The following LDB2 variants were observed in gnomAD, a reference collection of about 807,000 sequenced individuals.
LDB2 encodes the protein LIM domain-binding protein 2.
In LDB2, 12 loss-of-function variants were observed where a neutral mutation model predicts 44.3. That is an observed-to-expected ratio of 0.27 (90% CI 0.17 to 0.44). The LOEUF (loss-of-function observed/expected upper bound fraction) is 0.44, where lower values mean the gene tolerates loss of function less well. Ranked by LOEUF, LDB2 falls within the 20% of genes least tolerant of loss-of-function variation. LDB2 has a pLI of 1.00. For missense variants in LDB2, 344 were observed against 473.5 expected (o/e 0.73, Z 2.54); for synonymous variants, 164 against 174.8 (o/e 0.94, Z 0.49).
chr4:16,744,322 A>G (rs552362911), intron 2 of LDB2, among the ~76,000 whole-genome samples: 114 of 150,678 alleles, frequency 7.6e-4, no homozygotes, highest in Non-Finnish European at 1.1e-3. Context: ...ATGCCCAGCT[A>G]ATTTTTGTAT....
chr4:16,656,847 A>C (rs1740009227), intron 2 of LDB2, among the ~76,000 whole-genome samples: 1 of 152,252 alleles, frequency 6.6e-6, no homozygotes, highest in Admixed American at 6.5e-5. Flanking sequence ...TATGTAAATC[A>C]TAATTGATAA....
intron 2 of LDB2, among the ~76,000 whole-genome samples, chr4:16,742,196 C>G (rs374238474): frequency 1.5e-3 from 223 of 151,832 alleles, no homozygotes; most frequent in African/African-American, 5.2e-3. Context: ...CTCAGTCTCC[C>G]AAGTAGCTGG....
intron 1 of LDB2, among the ~76,000 whole-genome samples, chr4:16,830,308 G>A (rs570504698): frequency 4.6e-5 from 7 of 152,144 alleles, no homozygotes; most frequent in African/African-American, 7.2e-5. Flanking sequence ...TCAGGAAATC[G>A]GATGGTTTTT....
intron 2 of LDB2, among the ~76,000 whole-genome samples, chr4:16,732,675 A>C (rs1283986666): frequency 1.3e-5 from 2 of 152,192 alleles, no homozygotes; most frequent in African/African-American, 4.8e-5. Flanking sequence ...TAATACAGAA[A>C]GTTTTATTTT....
At chr4:16,507,646 C>G (rs1720052632) in intron 7 of LDB2, among the ~76,000 whole-genome samples, 1 of 152,042 alleles carries the variant, frequency 6.6e-6, no homozygotes, top group South Asian at 2.1e-4. Context: ...CCATGAAGCA[C>G]TAAGAAAATC....
At chr4:16,656,233 C>A (rs971769410) in intron 2 of LDB2, among the ~76,000 whole-genome samples, 12 of 152,104 alleles carry the variant, frequency 7.9e-5, no homozygotes, top group Non-Finnish European at 1.6e-4. Flanking sequence ...TAATCTTGTT[C>A]CTAAAGGTTG....
intron 2 of LDB2, among the ~76,000 whole-genome samples, chr4:16,756,674 T>C (rs758914924): frequency 3.4e-4 from 51 of 152,182 alleles, no homozygotes; most frequent in Non-Finnish European, 5.9e-4. Flanking sequence ...CTACCTATTA[T>C]GTATGAGTTC....
Position 16,627,372 on chromosome 4 carries a change from C to T in LDB2, c.236-31497G>A, listed in dbSNP as rs961205955. Among the ~76,000 whole-genome samples, 7 of 152,270 alleles carry T rather than the reference C, an allele frequency of 4.6e-5. No individual in the cohort carries two copies. In the East Asian group the frequency reaches 5.8e-4, roughly 13 times the overall value. ...AAAAAGGGGTTATAAATGTTAAAAA[C>T]ATTAGACTCCCCCAGTCCACTCTTC... On this transcript the variant is annotated intron_variant, in intron 2 of 7. Coordinates refer to ENST00000304523, the MANE Select transcript of LDB2 (RefSeq NM_001290.5).
At chr4:16,891,873 G>A (rs925523813) in intron 1 of LDB2, among the ~76,000 whole-genome samples, 1 of 152,146 alleles carries the variant, frequency 6.6e-6, no homozygotes, top group Non-Finnish European at 1.5e-5. Context: ...CCTAGCTCAT[G>A]TTTCCTATTT....
intron 2 of LDB2, among the ~76,000 whole-genome samples, chr4:16,755,528 T>TGA (rs112037999): frequency 7.4e-6 from 1 of 134,970 alleles, no homozygotes; most frequent in Non-Finnish European, 1.7e-5. Flanking sequence ...TGTGTGTATG[T>TGA]GAGAGAGAGA....
intron 5 of LDB2, among the ~76,000 whole-genome samples, chr4:16,562,983 G>T (rs941567283): frequency 1.3e-5 from 2 of 151,654 alleles, no homozygotes; most frequent in Admixed American, 6.6e-5. Context: ...ACCAAACACC[G>T]CATGTTCTCA....
intron 5 of LDB2, among the ~76,000 whole-genome samples, chr4:16,578,025 A>G (rs1464500320): frequency 6.6e-6 from 1 of 152,194 alleles, no homozygotes; most frequent in Admixed American, 6.5e-5. Flanking sequence ...AGAAGAATGA[A>G]ATTAGACCCC....
chr4:16,812,358 TG>T (rs1421330663), intron 1 of LDB2, among the ~76,000 whole-genome samples: 1 of 152,180 alleles, frequency 6.6e-6, no homozygotes, highest in Non-Finnish European at 1.5e-5. Flanking sequence ...GGGCTCATTA[TG>T]ATCTAAGAGG....
At chr4:16,522,296 G>GTGTGTGTGTGTGTGTA (rs1726510993) in intron 5 of LDB2, among the ~76,000 whole-genome samples, 1 of 151,530 alleles carries the variant, frequency 6.6e-6, no homozygotes, top group East Asian at 1.9e-4. Context: ...GTGTGTGTGT[G>GTGTGTGTGTGTGTGTA]TATGTATGTA....
At chr4:16,558,999 C>G (rs1407107739) in intron 5 of LDB2, among the ~76,000 whole-genome samples, 1 of 152,200 alleles carries the variant, frequency 6.6e-6, no homozygotes, top group Non-Finnish European at 1.5e-5. Flanking sequence ...AAATACTTTA[C>G]AGACAAGCAA....
chr4:16,650,332 T>G (rs1737920537), intron 2 of LDB2, among the ~76,000 whole-genome samples: 1 of 152,096 alleles, frequency 6.6e-6, no homozygotes, highest in Non-Finnish European at 1.5e-5. Context: ...CAATAGCACG[T>G]TTTTGATTAT....
intron 1 of LDB2, among the ~76,000 whole-genome samples, chr4:16,894,092 T>C (rs1403522330): frequency 1.3e-5 from 2 of 152,224 alleles, no homozygotes; most frequent in Non-Finnish European, 2.9e-5. Flanking sequence ...TTTGCTTTTA[T>C]TGAAGCTTTT....
chr4:16,642,736 C>T lies in LDB2; in HGVS notation c.236-46861G>A, dbSNP rs529552441. ...CTTAAGGATATGTTTAATTATTGCC[C>T]CTCTTAGATTATGAGCTCCTGGAAA... On this transcript the variant is annotated intron_variant, in intron 2 of 7. Transcript: ENST00000304523. Among the ~76,000 whole-genome samples the T allele has an allele frequency of 2.2e-4, 33 of 152,144 alleles. 1 individual carries two copies. The highest frequency in any genetic ancestry group is 3.4e-3 in the Middle Eastern group (1 of 292).
At chr4:16,683,800 G>A (rs1049376137) in intron 2 of LDB2, among the ~76,000 whole-genome samples, 5 of 152,132 alleles carry the variant, frequency 3.3e-5, no homozygotes, top group African/African-American at 1.2e-4. Context: ...ACTTTCTGAC[G>A]GGGAGGTTCA....
Sources: allele counts gnomAD v4.1 joint callset (sites outside exome capture counted in the v4.1 genomes callset), GRCh38; gene constraint gnomAD v4.1.1; transcripts MANE v1.5; gene names NCBI Gene and HGNC (gene_info 2026-07-23, HGNC 2026-07-21).